The following CCNB3 variants were observed in gnomAD, a reference collection of about 807,000 sequenced individuals.
CCNB3 encodes cyclin B3.
In CCNB3, 12 loss-of-function variants were observed where a neutral mutation model predicts 68.0. The observed-to-expected ratio is 0.18, with a 90% CI of 0.11 to 0.29. The LOEUF is 0.29. Among genes scored for constraint, CCNB3 ranks in the 10% least tolerant of loss-of-function variants. The pLI is 1.00. For synonymous variants in CCNB3, 354 were observed against 388.9 expected, an observed-to-expected ratio of 0.91 and a Z score of 1.06; for missense variants, 904 against 993.1, an observed-to-expected ratio of 0.91 and a Z score of 1.21.
At chrX:50,279,640 A>C (rs1373784190) in intron 1 of CCNB3, among the ~76,000 whole-genome samples, 1 of 78,056 alleles carries the variant, frequency 1.3e-5, no homozygotes, top group Non-Finnish European at 2.6e-5. Context: ...AAATATATGA[A>C]TATGTACATT....
intron 5 of CCNB3, among the ~76,000 whole-genome samples, chrX:50,301,808 C>T (rs1602215985): frequency 8.9e-6 from 1 of 112,913 alleles, no homozygotes; most frequent in Non-Finnish European, 1.9e-5. Flanking sequence ...GGCTGCTTTG[C>T]TTACCTACTC....
intron 3 of CCNB3, among the ~76,000 whole-genome samples, chrX:50,287,636 A>G (rs1936263870): frequency 8.9e-6 from 1 of 111,847 alleles, no homozygotes; most frequent in Admixed American, 9.6e-5. Flanking sequence ...ATCCTGGAGC[A>G]GTATCTAGAT....
At chrX:50,224,472 A>G (rs1179981750) in intron 1 of CCNB3, among the ~76,000 whole-genome samples, 1 of 111,809 alleles carries the variant, frequency 8.9e-6, no homozygotes, top group African/African-American at 3.2e-5. Flanking sequence ...TATGCCAGCT[A>G]AGGGAAAAAT....
intron 1 of CCNB3, among the ~76,000 whole-genome samples, chrX:50,207,227 A>T (rs1283959258): frequency 8.9e-6 from 1 of 111,912 alleles, no homozygotes; most frequent in Non-Finnish European, 1.9e-5. Flanking sequence ...TTAGACACTC[A>T]GTAACTCTTG....
intron 8 of CCNB3, among the ~76,000 whole-genome samples, chrX:50,337,129 T>G (rs1557218967): frequency 9.0e-6 from 1 of 110,579 alleles, no homozygotes; most frequent in African/African-American, 3.3e-5. Flanking sequence ...GATTTCAGTC[T>G]TGGGCCGTAA....
chrX:50,224,893 A>G (rs961670622), intron 1 of CCNB3, among the ~76,000 whole-genome samples: 16 of 111,563 alleles, frequency 1.4e-4, no homozygotes, highest in Non-Finnish European at 2.6e-4. Context: ...AAACTTTTCC[A>G]TGTCTCAGGA....
chrX:50,227,055 T>A (rs1442382875), intron 1 of CCNB3, among the ~76,000 whole-genome samples: 1 of 78,366 alleles, frequency 1.3e-5, no homozygotes, highest in African/African-American at 5.2e-5. Context: ...TACAAATATA[T>A]AGAATATATA....
At chrX:50,347,843 G>T in intron 11 of CCNB3, 68 bp downstream of exon 11, 1 of 1,076,345 alleles carries the variant, frequency 9.3e-7, no homozygotes, top group East Asian at 3.1e-5. Flanking sequence ...TCATGGGGAA[G>T]GTGTAAATTA....
At chrX:50,322,505 G>T (rs1299894728) in intron 8 of CCNB3, among the ~76,000 whole-genome samples, 2 of 111,564 alleles carry the variant, frequency 1.8e-5, no homozygotes, top group African/African-American at 6.5e-5. Flanking sequence ...TCAGGACATA[G>T]GCATGGGCAA....
chrX:50,306,039 G>A (rs1422904039), intron 5 of CCNB3, among the ~76,000 whole-genome samples: 2 of 105,596 alleles, frequency 1.9e-5, no homozygotes, highest in Non-Finnish European at 3.9e-5. Flanking sequence ...TGCCTGCCTC[G>A]ACTCCCAAAG....
At chrX:50,216,571 G>T (rs887663223) in intron 1 of CCNB3, among the ~76,000 whole-genome samples, 2 of 111,162 alleles carry the variant, frequency 1.8e-5, no homozygotes, top group Non-Finnish European at 3.8e-5. Context: ...TCCGGCCTGG[G>T]GTGTGCTTTT....
At chrX:50,280,844 C>A (rs1936124072) in intron 1 of CCNB3, among the ~76,000 whole-genome samples, 1 of 110,756 alleles carries the variant, frequency 9.0e-6, no homozygotes, top group Non-Finnish European at 1.9e-5. Context: ...ACTGCAACTT[C>A]TGCCTCCCGG....
At chrX:50,228,681 A>T (rs1203270486) in intron 1 of CCNB3, among the ~76,000 whole-genome samples, 1 of 79,009 alleles carries the variant, frequency 1.3e-5, no homozygotes, top group African/African-American at 5.0e-5. Flanking sequence ...GAATATATAT[A>T]GAATATATAC....
At chrX:50,216,114 A>C in intron 1 of CCNB3, among the ~76,000 whole-genome samples, 1 of 106,928 alleles carries the variant, frequency 9.4e-6, no homozygotes, top group Non-Finnish European at 1.9e-5. Flanking sequence ...ACGCCTGGCT[A>C]ATTTTTGTAT....
chrX:50,303,317 TA>T (rs1936691297), intron 5 of CCNB3, among the ~76,000 whole-genome samples: 1 of 110,867 alleles, frequency 9.0e-6, no homozygotes, highest in Admixed American at 9.6e-5. Context: ...GGCTAATTTT[TA>T]TATTTTTAGT....
chrX:50,281,112 T>C (rs1936128750), intron 1 of CCNB3, among the ~76,000 whole-genome samples: 1 of 110,967 alleles, frequency 9.0e-6, no homozygotes, highest in Non-Finnish European at 1.9e-5. Context: ...CAGCCCAGCC[T>C]GGTCCAACCA....
intron 1 of CCNB3, among the ~76,000 whole-genome samples, chrX:50,207,597 A>T (rs1164800696): frequency 8.9e-6 from 1 of 111,887 alleles, no homozygotes; most frequent in African/African-American, 3.3e-5. Context: ...AAGGCCAAAA[A>T]CATTGGGTCA....
chrX:50,203,035 G>A (rs1935290717), upstream of CCNB3, among the ~76,000 whole-genome samples: 1 of 111,787 alleles, frequency 8.9e-6, no homozygotes, highest in Admixed American at 9.5e-5. Flanking sequence ...GTGAAGGTGT[G>A]TGAATAGTCT....
At chrX:50,280,195 A>T (rs1367054113) in intron 1 of CCNB3, among the ~76,000 whole-genome samples, 1 of 58,379 alleles carries the variant, frequency 1.7e-5, no homozygotes, top group Admixed American at 2.1e-4. Context: ...ATATATATAG[A>T]ACATATAAAT....
Sources: gnomAD v4.1 joint callset for allele counts (sites outside exome capture counted in the v4.1 genomes callset) on GRCh38, gnomAD v4.1.1 for gene constraint, MANE v1.5 for transcripts, NCBI Gene and HGNC (gene_info 2026-07-23, HGNC 2026-07-21) for gene names.